Variants in MAPRE3 observed in about 807,000 individuals in gnomAD.
MAPRE3 encodes the protein microtubule associated protein RP/EB family member 3, also known as microtubule-associated protein RP/EB family member 3.
MAPRE3 carries 2 observed loss-of-function variants against 30.5 expected under a neutral mutation model. That is an observed-to-expected ratio of 0.07 (90% confidence interval 0.03 to 0.21). MAPRE3 has a LOEUF of 0.21. Among genes scored for constraint, MAPRE3 ranks in the 10% least tolerant of loss-of-function variants. The pLI is 1.00. For synonymous variants in MAPRE3, 110 were observed against 127.7 expected, an observed-to-expected ratio of 0.86 and a Z score of 0.93; for missense variants, 204 against 351.8, an observed-to-expected ratio of 0.58 and a Z score of 3.36.
chr2:26,980,838 C>A (rs1166267034), intron 1 of MAPRE3, among the ~76,000 whole-genome samples: 1 of 152,068 alleles, frequency 6.6e-6, no homozygotes, highest in East Asian at 1.9e-4. Flanking sequence ...TGTTTAATGG[C>A]AGAAGGGAAA....
chr2:27,024,446 T>C, intron 4 of MAPRE3, 149 bp downstream of exon 4: 1 of 717,990 alleles, frequency 1.4e-6, no homozygotes, highest in Non-Finnish European at 2.3e-6. Flanking sequence ...TGCTGGCCAG[T>C]TAGACCGGGG....
At chr2:27,009,540 A>G (rs1666802721) in intron 1 of MAPRE3, among the ~76,000 whole-genome samples, 1 of 152,240 alleles carries the variant, frequency 6.6e-6, no homozygotes, top group Non-Finnish European at 1.5e-5. Flanking sequence ...TAACTATAGT[A>G]TTAGCAATAT....
chr2:27,021,866 C>T (rs1032347262), intron 1 of MAPRE3, among the ~76,000 whole-genome samples: 1 of 152,184 alleles, frequency 6.6e-6, no homozygotes, highest in Non-Finnish European at 1.5e-5. Context: ...CTGACCCTGC[C>T]CAGCAGATGC....
intron 1 of MAPRE3, among the ~76,000 whole-genome samples, chr2:26,980,282 A>G (rs1666086692): frequency 6.6e-6 from 1 of 152,230 alleles, no homozygotes; most frequent in South Asian, 2.1e-4. Flanking sequence ...TGACAGAGAA[A>G]AATAGAAGCA....
intron 1 of MAPRE3, among the ~76,000 whole-genome samples, chr2:27,010,443 T>TTC (rs1553329784): frequency 2.0e-5 from 3 of 147,704 alleles, no homozygotes; most frequent in Non-Finnish European, 4.5e-5. Flanking sequence ...GTATTTCTTT[T>TTC]TTTTTTTTTT....
At chr2:27,016,685 G>A (rs1261806300) in intron 1 of MAPRE3, among the ~76,000 whole-genome samples, 1 of 152,100 alleles carries the variant, frequency 6.6e-6, no homozygotes, top group East Asian at 1.9e-4. Context: ...CGCCTGGCAG[G>A]TTATGTCTTT....
intron 1 of MAPRE3, among the ~76,000 whole-genome samples, chr2:26,994,169 C>T (rs1666406303): frequency 6.6e-6 from 1 of 152,174 alleles, no homozygotes; most frequent in Non-Finnish European, 1.5e-5. Flanking sequence ...GTATTTTGAT[C>T]TGATAACTTA....
At chr2:26,991,231 GC>G (rs1184931643) in intron 1 of MAPRE3, among the ~76,000 whole-genome samples, 1 of 152,160 alleles carries the variant, frequency 6.6e-6, no homozygotes, top group Non-Finnish European at 1.5e-5. Flanking sequence ...TCCAGCCTGG[GC>G]GACAGAGTGA....
At chr2:26,971,827 G>T (rs1665921266) in intron 1 of MAPRE3, among the ~76,000 whole-genome samples, 1 of 152,096 alleles carries the variant, frequency 6.6e-6, no homozygotes, top group African/African-American at 2.4e-5. Context: ...AAAAATCGAA[G>T]CTTCTCCATG....
At chr2:26,990,290 A>G (rs1284630415) in intron 1 of MAPRE3, among the ~76,000 whole-genome samples, 1 of 152,078 alleles carries the variant, frequency 6.6e-6, no homozygotes, top group Non-Finnish European at 1.5e-5. Flanking sequence ...ACCCCCTCCT[A>G]TGCGCCCCAT....
intron 1 of MAPRE3, among the ~76,000 whole-genome samples, chr2:27,019,265 G>A (rs910541915): frequency 6.6e-6 from 1 of 151,834 alleles, no homozygotes; most frequent in African/African-American, 2.4e-5. Flanking sequence ...GTAGGATCAT[G>A]GGCACATGTC....
intron 1 of MAPRE3, among the ~76,000 whole-genome samples, chr2:26,999,607 G>A (rs1230425286): frequency 2.8e-5 from 4 of 144,752 alleles, no homozygotes; most frequent in Non-Finnish European, 6.0e-5. Flanking sequence ...GGGTTCAAGC[G>A]ATTCTCCTGC....
At chr2:27,006,588 G>A (rs193167902) in intron 1 of MAPRE3, among the ~76,000 whole-genome samples, 3 of 152,112 alleles carry the variant, frequency 2.0e-5, no homozygotes, top group East Asian at 1.9e-4. Flanking sequence ...GTGCCACCAC[G>A]TCCCACTATT....
intron 1 of MAPRE3, among the ~76,000 whole-genome samples, chr2:26,974,922 A>T (rs1384944925): frequency 6.6e-6 from 1 of 151,850 alleles, no homozygotes; most frequent in Admixed American, 6.6e-5. Flanking sequence ...TCCATCTTGG[A>T]CTCTCAGTTT....
chr2:27,026,345 C>G lies in MAPRE3; in HGVS notation c.843C>G (p.Tyr281Ter), dbSNP rs1667242903. The G allele has an allele frequency of 6.2e-7, 1 of 1,613,386 alleles. No individual in the cohort carries two copies. Among genetic ancestry groups the G allele is most frequent in the African/African-American group, 1.3e-5 (1 of 74,892 alleles). ...EEHQQEDQDEY is the reference protein window; with the variant it reads ...EEHQQEDQDE ...ATCAACAAGAAGACCAGGACGAGTA[C>G]TGAGGGCGGCCGCAGCCCTGGCTGA... is the stretch of plus-strand genomic sequence containing the variant. Residue 281 changes from tyrosine to a stop codon, truncating the protein, a stop_gained, in exon 7 of 7, where the codon TAC (tyrosine) becomes TAG (stop). Coordinates refer to ENST00000233121, the MANE Select transcript of MAPRE3 (RefSeq NM_012326.4). LOFTEE classifies it high-confidence loss of function.
At chr2:26,981,376 C>T (rs957358273) in intron 1 of MAPRE3, among the ~76,000 whole-genome samples, 28 of 152,000 alleles carry the variant, frequency 1.8e-4, no homozygotes, top group African/African-American at 6.8e-4. Context: ...AAGTTGAAGA[C>T]AGGCGCTGGT....
intron 1 of MAPRE3, among the ~76,000 whole-genome samples, chr2:27,008,047 T>C (rs1244687491): frequency 6.6e-6 from 1 of 152,228 alleles, no homozygotes; most frequent in Non-Finnish European, 1.5e-5. Flanking sequence ...TAGAGGGTAT[T>C]GTGCAAGTTT....
At chr2:27,000,897 A>G (rs1022861624) in intron 1 of MAPRE3, among the ~76,000 whole-genome samples, 2 of 152,370 alleles carry the variant, frequency 1.3e-5, no homozygotes, top group East Asian at 3.9e-4. Flanking sequence ...GCCTGACCAC[A>G]AGATTTATCC....
At chr2:26,975,709 G>T (rs1666002887) in intron 1 of MAPRE3, among the ~76,000 whole-genome samples, 1 of 152,192 alleles carries the variant, frequency 6.6e-6, no homozygotes. Context: ...ATTTAATGAA[G>T]ACCAAATAGA....
Sources: gnomAD v4.1 joint callset for allele counts (sites outside exome capture counted in the v4.1 genomes callset) on GRCh38, gnomAD v4.1.1 for gene constraint, MANE v1.5 for transcripts, NCBI Gene and HGNC (gene_info 2026-07-23, HGNC 2026-07-21) for gene names.